Variants in NBEA observed in about 807,000 individuals in gnomAD.
The protein encoded by NBEA is neurobeachin, also known as lysosomal-trafficking regulator 2.
A neutral mutation model predicts 343.4 loss-of-function variants in NBEA; 44 were observed. The observed-to-expected ratio is 0.13, with a 90% CI of 0.10 to 0.16. The LOEUF is 0.16. Among genes scored for constraint, NBEA ranks in the 10% least tolerant of loss-of-function variants. The pLI, the probability that NBEA is intolerant of heterozygous loss-of-function variation, is 1.00. For synonymous variants in NBEA, 1,175 were observed against 1,238.7 expected (o/e 0.95, Z 1.08); for missense variants, 2,555 against 3,631.3 (o/e 0.70, Z 7.62).
chr13:35,210,492 C>T (rs1346876269), intron 32 of NBEA, among the ~76,000 whole-genome samples: 5 of 152,092 alleles, frequency 3.3e-5, no homozygotes, highest in African/African-American at 1.2e-4. Flanking sequence ...AATATACTTA[C>T]GTGGCATATG....
At chr13:35,507,869 T>C (rs1458158342) in intron 41 of NBEA, among the ~76,000 whole-genome samples, 1 of 152,130 alleles carries the variant, frequency 6.6e-6, no homozygotes, top group Non-Finnish European at 1.5e-5. Flanking sequence ...CATAATTCAT[T>C]CTAGGATTGT....
In NBEA at chr13:35,125,377, C is replaced by A. The variant is rs181393582; in HGVS notation, c.2336+1803C>A. Among the ~76,000 whole-genome samples the A allele has an allele frequency of 3.5e-3, 533 of 152,212 alleles. 3 individuals carry two copies. Among genetic ancestry groups the A allele is most frequent in the Middle Eastern group, 0.01 (3 of 294 alleles). ...AAGTAGAGTTTCTGAAGATGAGAGG[C>A]ACACCTTAAATTACAAAAATAGATC... On this transcript the variant is annotated intron_variant, in intron 17 of 58. Coordinates refer to ENST00000379939, the MANE Select transcript of NBEA (RefSeq NM_001385012.1).
chr13:35,586,553 A>C (rs547668962), intron 46 of NBEA, among the ~76,000 whole-genome samples: 1 of 152,354 alleles, frequency 6.6e-6, no homozygotes, highest in African/African-American at 2.4e-5. Context: ...AAATCAGTCT[A>C]GTTTATCCAA....
intron 44 of NBEA, among the ~76,000 whole-genome samples, chr13:35,563,558 A>G (rs1325845071): frequency 6.6e-6 from 1 of 151,884 alleles, no homozygotes; most frequent in Admixed American, 6.6e-5. Context: ...ATGACTGTCC[A>G]TTTTACAAGG....
chr13:35,646,825 G>A (rs1272188797), intron 51 of NBEA, among the ~76,000 whole-genome samples: 1 of 152,148 alleles, frequency 6.6e-6, no homozygotes, highest in Non-Finnish European at 1.5e-5. Context: ...TAAGAGTAAG[G>A]GCCCCAGAGC....
chr13:35,199,440 C>T (rs1488052533), intron 31 of NBEA, among the ~76,000 whole-genome samples: 2 of 152,098 alleles, frequency 1.3e-5, no homozygotes, highest in African/African-American at 4.8e-5. Flanking sequence ...TCATTTTAAT[C>T]TTTAGTTGAA....
chr13:35,176,774 T>C (rs959330241), intron 27 of NBEA, among the ~76,000 whole-genome samples: 2 of 151,920 alleles, frequency 1.3e-5, no homozygotes, highest in African/African-American at 4.8e-5. Context: ...TATGAGTCTA[T>C]AGTGGTAGCT....
intron 8 of NBEA, among the ~76,000 whole-genome samples, chr13:35,061,382 A>G (rs1163969201): frequency 6.6e-6 from 1 of 151,740 alleles, no homozygotes; most frequent in Non-Finnish European, 1.5e-5. Flanking sequence ...TAGTATGGTA[A>G]AATTTACTAT....
chr13:35,527,697 G>A (rs1367713647), intron 41 of NBEA, among the ~76,000 whole-genome samples: 1 of 152,230 alleles, frequency 6.6e-6, no homozygotes, highest in Non-Finnish European at 1.5e-5. Context: ...AATGGGAACA[G>A]GCACTTCTGA....
chr13:35,098,767 A>T (rs1326043343), intron 11 of NBEA, among the ~76,000 whole-genome samples: 2 of 152,124 alleles, frequency 1.3e-5, no homozygotes, highest in Admixed American at 6.6e-5. Flanking sequence ...TAAACCATTT[A>T]TAACTTTCTA....
At position 35,304,327 on chromosome 13, in the gene NBEA, T is replaced by TTCTC. The variant is rs150811990; in HGVS notation, c.5839-5199_5839-5196dup. ...AATTACATTGCCTTGACAAAAGCAA[T>TTCTC]TCTCTGTGTGTGTGTGTGTGTGTGT... On this transcript the variant is annotated intron_variant, in intron 35 of 58. Coordinates refer to ENST00000379939, the MANE Select transcript of NBEA (RefSeq NM_001385012.1). Among the ~76,000 whole-genome samples, 3 of 143,488 alleles carry TTCTC rather than the reference T, an allele frequency of 2.1e-5. No individual in the cohort carries two copies. In the East Asian group the frequency reaches 6.6e-4, roughly 32 times the overall value. 94.1% of individuals were successfully genotyped at this position (143,488 alleles called of 152,430 possible). A position where few individuals can be genotyped will look rare whatever the true frequency, so the allele number is the denominator to read the frequency against.
intron 41 of NBEA, among the ~76,000 whole-genome samples, chr13:35,524,259 CCT>C (rs2077861385): frequency 1.3e-5 from 2 of 152,306 alleles, no homozygotes; most frequent in Admixed American, 1.3e-4. Context: ...AAAGATTCAT[CCT>C]CTCTTTTCGA....
At chr13:35,155,637 A>G (rs2069119364) in intron 18 of NBEA, 137 bp from the exon 19 acceptor site, 1 of 627,584 alleles carries the variant, frequency 1.6e-6, no homozygotes, top group Non-Finnish European at 2.7e-6. Context: ...AAAGAAAGAA[A>G]AAAGTCCCTT....
At chr13:35,292,363 G>A (rs2035856722) in intron 35 of NBEA, among the ~76,000 whole-genome samples, 1 of 151,914 alleles carries the variant, frequency 6.6e-6, no homozygotes, top group Non-Finnish European at 1.5e-5. Context: ...CATTAACAGG[G>A]CAACATAGCA....
At chr13:35,544,307 T>C (rs1330243195) in intron 41 of NBEA, among the ~76,000 whole-genome samples, 1 of 152,228 alleles carries the variant, frequency 6.6e-6, no homozygotes, top group Non-Finnish European at 1.5e-5. Context: ...AAAAAAAATT[T>C]GTAATACTTG....
intron 35 of NBEA, among the ~76,000 whole-genome samples, chr13:35,298,949 C>G (rs940828622): frequency 1.3e-5 from 2 of 151,850 alleles, no homozygotes; most frequent in Non-Finnish European, 2.9e-5. Flanking sequence ...TTAAATACTT[C>G]ACATATATAT....
intron 30 of NBEA, among the ~76,000 whole-genome samples, chr13:35,193,397 G>A (rs893796861): frequency 1.3e-5 from 2 of 151,840 alleles, no homozygotes; most frequent in African/African-American, 4.8e-5. Flanking sequence ...TAGAGATTCT[G>A]TAGACTAAAA....
chr13:35,189,701 G>A (rs1036705248), intron 30 of NBEA, among the ~76,000 whole-genome samples: 7 of 151,736 alleles, frequency 4.6e-5, no homozygotes, highest in Admixed American at 3.3e-4. Flanking sequence ...GTGGAACTTC[G>A]GGAAGAGCAA....
At chr13:34,976,671 A>G (rs1593336814) in intron 1 of NBEA, among the ~76,000 whole-genome samples, 1 of 126,882 alleles carries the variant, frequency 7.9e-6, no homozygotes, top group Non-Finnish European at 1.6e-5. Context: ...TTTTTTTTTC[A>G]TGGAGCAGAG....
Sources: allele counts gnomAD v4.1 joint callset (sites outside exome capture counted in the v4.1 genomes callset), GRCh38; gene constraint gnomAD v4.1.1; transcripts MANE v1.5; gene names NCBI Gene and HGNC (gene_info 2026-07-23, HGNC 2026-07-21).